Variants in WDR93 observed in about 807,000 individuals in gnomAD.
WDR93 encodes the protein WD repeat domain 93.
A neutral mutation model predicts 82.9 loss-of-function variants in WDR93; 73 were observed. The ratio of observed to expected loss-of-function variants is 0.88; its 90% CI spans 0.73 to 1.07. WDR93 has a LOEUF of 1.07. WDR93 is among the 50% of genes least tolerant of loss of function. WDR93 has a pLI of 0.00. For synonymous variants in WDR93, 283 were observed against 300.1 expected, an observed-to-expected ratio of 0.94 and a Z score of 0.59; for missense variants, 738 against 826.0, an observed-to-expected ratio of 0.89 and a Z score of 1.31.
At chr15:89,742,876 T>A (rs1234488450) in intron 16 of WDR93, among the ~76,000 whole-genome samples, 1 of 152,216 alleles carries the variant, frequency 6.6e-6, no homozygotes, top group Non-Finnish European at 1.5e-5. Flanking sequence ...ACTGTCTTTA[T>A]AAAAGTTGGA....
Position 89,743,519 on chromosome 15 carries a change from C to T in WDR93, c.*128C>T. 1 of 808,540 alleles carries T rather than the reference C, an allele frequency of 1.2e-6. No homozygotes were observed. The highest frequency in any genetic ancestry group is 2.7e-5 in the East Asian group (1 of 37,566). 50.1% of individuals were successfully genotyped at this position (808,540 alleles called of 1,614,324 possible). A position where few individuals can be genotyped will look rare whatever the true frequency, so the allele number is the denominator to read the frequency against. ...CAGGCCTGCACTCGGAGTCTGGGGC[C>T]TCTGCAGAGCCAGCAAGGGGAAAAG... On this transcript the variant is annotated 3_prime_UTR_variant, in exon 17 of 17. Coordinates refer to ENST00000268130, the MANE Select transcript of WDR93 (RefSeq NM_020212.2).
intron 1 of WDR93, among the ~76,000 whole-genome samples, chr15:89,696,952 A>G (rs1054525156): frequency 2.4e-5 from 3 of 124,384 alleles, no homozygotes; most frequent in Non-Finnish European, 5.2e-5. Flanking sequence ...AGTGCTTAGT[A>G]TTGTCAGTTT....
chr15:89,716,962 A>G lies in WDR93; in HGVS notation c.795+13A>G, dbSNP rs1966278789. The G allele has an allele frequency of 2.7e-6, 4 of 1,506,264 alleles. No homozygotes were observed. In the South Asian group the frequency reaches 4.1e-5, roughly 15 times the overall value. The allele number at this position is 1,506,264 out of a possible 1,614,324, so 93.3% of individuals were successfully genotyped here. Reference sequence around the variant, plus strand: ...TCCTTTAGAAATGGTAAGAAACTTTAAAGAAAATCTCCAGAGAGACTTAAG... The same window carrying G: ...TCCTTTAGAAATGGTAAGAAACTTTGAAGAAAATCTCCAGAGAGACTTAAG... On this transcript the variant is annotated intron_variant, in intron 7 of 16. Coordinates refer to ENST00000268130, the MANE Select transcript of WDR93 (RefSeq NM_020212.2).
At chr15:89,714,626 AT>A (rs1966158845) in intron 5 of WDR93, among the ~76,000 whole-genome samples, 1 of 151,928 alleles carries the variant, frequency 6.6e-6, no homozygotes, top group African/African-American at 2.4e-5. Flanking sequence ...CCGGCCCCAT[AT>A]TTTTTTTAAT....
intron 8 of WDR93, among the ~76,000 whole-genome samples, chr15:89,725,536 T>C (rs982460581): frequency 3.3e-5 from 5 of 149,630 alleles, no homozygotes; most frequent in African/African-American, 1.2e-4. Context: ...GAGATGGCAA[T>C]GTTCTATTTC....
chr15:89,701,671 T>G, intron 1 of WDR93, 36 bp from the exon 2 acceptor site: 1 of 1,519,468 alleles, frequency 6.6e-7, no homozygotes, highest in East Asian at 2.3e-5. Context: ...ATTGCTTCCT[T>G]TCTTCCAGAA....
rs780259313 is a variant in WDR93 at position 89,715,001 on chromosome 15, A to G, written c.662A>G (p.Asp221Gly). ...LLQGAGDIWL[D>G]VYKLPKETWL... ...GCAGGAGCCGGAGATATTTGGCTGG[A>G]TGTGTATAAATTGCCCAAGGAGACT... is the stretch of plus-strand genomic sequence containing the variant. Residue 221 changes from aspartate to glycine, a missense_variant, in exon 6 of 17, where the codon GAT becomes GGT. Asp to Gly is a moderately conservative substitution (Grantham distance 94). Coordinates refer to ENST00000268130, the MANE Select transcript of WDR93 (RefSeq NM_020212.2). 6.2e-7 allele frequency: 1 copy of G among 1,613,834 alleles called. No homozygotes were observed. The highest frequency in any genetic ancestry group is 8.5e-7 in the Non-Finnish European group (1 of 1,179,898).
chr15:89,730,005 G>T (rs1358941903), intron 11 of WDR93, among the ~76,000 whole-genome samples: 1 of 152,162 alleles, frequency 6.6e-6, no homozygotes, highest in East Asian at 1.9e-4. Context: ...AGGTCCACAG[G>T]GCTCCTTAAG....
At chr15:89,731,640 AGGCCCTG>A (rs1230466865) in intron 12 of WDR93, 78 bp downstream of exon 12, 1 of 1,592,518 alleles carries the variant, frequency 6.3e-7, no homozygotes, top group Non-Finnish European at 8.6e-7. Context: ...GAATTCCCAC[AGGCCCTG>A]GGCCTTCTGT....
In WDR93 at chr15:89,701,865, A is replaced by G. The variant is rs1158173432; in HGVS notation, c.119A>G (p.Asp40Gly). 1 of 1,614,210 alleles carries G rather than the reference A, an allele frequency of 6.2e-7. No homozygotes were observed. Among genetic ancestry groups the G allele is most frequent in the Admixed American group, 1.7e-5 (1 of 60,030 alleles). ...GACTGGCCTAAAGACGATGAACAGG[A>G]TCATGTCCTCGTGGATCCAGATGAG... Reference protein sequence around the residue: ...EKDWPKDDEQDHVLVDPDEEL... With the variant: ...EKDWPKDDEQGHVLVDPDEEL... The change falls in exon 2 of 17, where the codon GAT becomes GGT. Residue 40 changes from aspartate (D) to glycine (G), a missense_variant. Transcript: ENST00000268130.
chr15:89,695,813 C>CTTT (rs58664153), intron 1 of WDR93, among the ~76,000 whole-genome samples: 28,654 of 99,110 alleles, frequency 0.29, 4,836 homozygotes, highest in Non-Finnish European at 0.34. Flanking sequence ...TCATGCTGTC[C>CTTT]TTTTTTTTTT....
chr15:89,708,406 C>A (rs1965817804), intron 4 of WDR93, among the ~76,000 whole-genome samples: 1 of 152,070 alleles, frequency 6.6e-6, no homozygotes, highest in African/African-American at 2.4e-5. Context: ...GACAGTCACA[C>A]CCTGGAGGAG....
rs1966862183 is a variant in WDR93 at position 89,731,817 on chromosome 15, G to C, written c.1330+255G>C. On this transcript the variant is annotated intron_variant, in intron 12 of 16. Coordinates refer to ENST00000268130, the MANE Select transcript of WDR93 (RefSeq NM_020212.2). ...GAGCCTGGCACTGTACTAGGCTCTG[G>C]AAGTATGATCATTGCCTTCATTATT... 5.3e-5 allele frequency among the ~76,000 whole-genome samples: 8 copies of C among 152,324 alleles called. No homozygotes were observed. In the South Asian group the frequency reaches 1.7e-3, roughly 32 times the overall value.
At chr15:89,738,355 G>GAGCCACCACGCCCA in intron 16 of WDR93, 119 bp downstream of exon 16, 2 of 1,245,468 alleles carry the variant, frequency 1.6e-6, no homozygotes, top group Non-Finnish European at 2.2e-6. Context: ...GGCTGGGCGT[G>GAGCCACCACGCCCA]GTGGCTCACG....
At chr15:89,690,759 C>T, upstream of WDR93, 1 of 603,266 alleles carries the variant, frequency 1.7e-6, no homozygotes, top group Non-Finnish European at 2.8e-6. Context: ...TCTCTCCGCC[C>T]CAGAGGGGGC....
chr15:89,740,367 T>A (rs957632996), intron 16 of WDR93, among the ~76,000 whole-genome samples: 4 of 152,148 alleles, frequency 2.6e-5, no homozygotes, highest in African/African-American at 9.7e-5. Flanking sequence ...TGCCTATTCG[T>A]CAGGAGACGA....
At chr15:89,722,612 G>C (rs1407565132) in intron 8 of WDR93, among the ~76,000 whole-genome samples, 1 of 152,220 alleles carries the variant, frequency 6.6e-6, no homozygotes, top group Non-Finnish European at 1.5e-5. Flanking sequence ...AGTAGGATGT[G>C]ATAAGTACAG....
chr15:89,731,121 A>G (rs1966855108), intron 11 of WDR93, among the ~76,000 whole-genome samples: 1 of 152,232 alleles, frequency 6.6e-6, no homozygotes, highest in Non-Finnish European at 1.5e-5. Flanking sequence ...AAATGGGGAT[A>G]CTAATAAGAC....
chr15:89,743,518 C>T lies in WDR93; in HGVS notation c.*127C>T, dbSNP rs1411736263. 7.1e-6 allele frequency: 6 copies of T among 842,210 alleles called. No individual in the cohort carries two copies. The highest frequency in any genetic ancestry group is 9.3e-6 in the Non-Finnish European group (5 of 536,912). 52.2% of individuals were successfully genotyped at this position (842,210 alleles called of 1,614,324 possible). ...ACAGGCCTGCACTCGGAGTCTGGGG[C>T]CTCTGCAGAGCCAGCAAGGGGAAAA... is the stretch of plus-strand genomic sequence containing the variant. On this transcript the variant is annotated 3_prime_UTR_variant, in exon 17 of 17. Coordinates refer to ENST00000268130, the MANE Select transcript of WDR93 (RefSeq NM_020212.2).
Sources: allele counts gnomAD v4.1 joint callset (sites outside exome capture counted in the v4.1 genomes callset), GRCh38; gene constraint gnomAD v4.1.1; transcripts MANE v1.5; gene names NCBI Gene and HGNC (gene_info 2026-07-23, HGNC 2026-07-21).